The following UNC5D variants were observed in gnomAD, a reference collection of about 807,000 sequenced individuals.
UNC5D encodes netrin receptor UNC5D.
Under a neutral mutation model 105.4 loss-of-function variants are expected in UNC5D, and 39 were observed. The observed-to-expected ratio is 0.37, with a 90% CI of 0.29 to 0.48. UNC5D has a LOEUF of 0.48. Ranked by LOEUF, UNC5D falls within the 20% of genes least tolerant of loss-of-function variation. The pLI, the probability that UNC5D is intolerant of heterozygous loss-of-function variation, is 0.98. For synonymous variants in UNC5D, 452 were observed against 450.4 expected (o/e 1.00, Z -0.04); for missense variants, 991 against 1,202.4 (o/e 0.82, Z 2.60).
chr8:35,243,149 A>T (rs2128802865), intron 1 of UNC5D, among the ~76,000 whole-genome samples: 1 of 152,218 alleles, frequency 6.6e-6, no homozygotes, highest in East Asian at 1.9e-4. Flanking sequence ...TCTGGGGGCC[A>T]TGGATGATAG....
intron 7 of UNC5D, among the ~76,000 whole-genome samples, chr8:35,699,113 A>G (rs1196800003): frequency 6.6e-6 from 1 of 152,198 alleles, no homozygotes; most frequent in Non-Finnish European, 1.5e-5. Flanking sequence ...CATATTCATC[A>G]CAAAAACTAA....
intron 1 of UNC5D, among the ~76,000 whole-genome samples, chr8:35,407,694 C>G (rs1295745121): frequency 6.6e-6 from 1 of 152,140 alleles, no homozygotes; most frequent in Non-Finnish European, 1.5e-5. Flanking sequence ...ACCTCCCACC[C>G]TCCACCCTCT....
rs751978613 is a variant in UNC5D at position 35,748,519 on chromosome 8, C to A, written c.1767-8C>A. 5 of 1,606,450 alleles carry A rather than the reference C, an allele frequency of 3.1e-6. No homozygotes were observed. Among genetic ancestry groups the A allele is most frequent in the Non-Finnish European group, 3.4e-6 (4 of 1,177,758 alleles). On this transcript the variant is annotated splice_polypyrimidine_tract_variant and splice_region_variant and intron_variant, in intron 11 of 16. Transcript: ENST00000404895. ...CTTCTCTCTTCTATCCTTTTTTCAACTGTGAAGCCTCCAGTCAGATGGCTC... is the reference window on the plus strand; with the variant it reads ...CTTCTCTCTTCTATCCTTTTTTCAAATGTGAAGCCTCCAGTCAGATGGCTC...
Position 35,265,742 on chromosome 8 carries a change from C to T in UNC5D, c.103+29855C>T, listed in dbSNP as rs183823565. Among the ~76,000 whole-genome samples, 428 of 151,846 alleles carry T rather than the reference C, an allele frequency of 2.8e-3. 3 individuals carry two copies. Among genetic ancestry groups the T allele is most frequent in the African/African-American group, 9.6e-3 (398 of 41,394 alleles). ...AAAATTAGCCGGGCATGGTGGCAGGCGCCTGTAGTCCCAGCTACTCCAGAG... is the reference window on the plus strand; with the variant it reads ...AAAATTAGCCGGGCATGGTGGCAGGTGCCTGTAGTCCCAGCTACTCCAGAG... On this transcript the variant is annotated intron_variant, in intron 1 of 16. Coordinates refer to ENST00000404895, the MANE Select transcript of UNC5D (RefSeq NM_080872.4).
At chr8:35,743,132 A>G (rs1316949366) in intron 11 of UNC5D, among the ~76,000 whole-genome samples, 1 of 152,172 alleles carries the variant, frequency 6.6e-6, no homozygotes, top group East Asian at 1.9e-4. Context: ...CAGCAAAGAA[A>G]CAATGGACTT....
At chr8:35,338,824 G>A (rs376395072) in intron 1 of UNC5D, among the ~76,000 whole-genome samples, 25 of 152,030 alleles carry the variant, frequency 1.6e-4, no homozygotes, top group Non-Finnish European at 2.6e-4. Context: ...CACCCTGACC[G>A]ACTTCTGCCC....
chr8:35,438,466 A>G (rs538978012), intron 1 of UNC5D, among the ~76,000 whole-genome samples: 1 of 152,182 alleles, frequency 6.6e-6, no homozygotes, highest in South Asian at 2.1e-4. Context: ...ACTATTAGTA[A>G]TCATGCTGGG....
At chr8:35,240,213 G>C (rs571305229) in intron 1 of UNC5D, among the ~76,000 whole-genome samples, 1 of 152,260 alleles carries the variant, frequency 6.6e-6, no homozygotes, top group Admixed American at 6.5e-5. Flanking sequence ...GCCTCCCAAA[G>C]TGCTAGGATT....
rs1016616779 is a variant in UNC5D at position 35,437,638 on chromosome 8, C to T, written c.104-111654C>T. On this transcript the variant is annotated intron_variant, in intron 1 of 16. Coordinates refer to ENST00000404895, the MANE Select transcript of UNC5D (RefSeq NM_080872.4). ...TCCTCCATCCTCCAACACCCACCCA[C>T]GGAGTCTTCTGAATTATGGTTTGGA... 7.2e-5 allele frequency among the ~76,000 whole-genome samples: 11 copies of T among 152,066 alleles called. No individual in the cohort carries two copies. The East Asian group carries it at 7.7e-4, about 11-fold the overall frequency.
At chr8:35,628,642 G>T (rs1442853971) in intron 4 of UNC5D, among the ~76,000 whole-genome samples, 1 of 152,126 alleles carries the variant, frequency 6.6e-6, no homozygotes, top group Non-Finnish European at 1.5e-5. Context: ...TTTCAGAAAT[G>T]GATTAGGTAT....
intron 8 of UNC5D, among the ~76,000 whole-genome samples, chr8:35,718,987 C>A (rs1266755905): frequency 6.6e-6 from 1 of 152,076 alleles, no homozygotes; most frequent in Non-Finnish European, 1.5e-5. Flanking sequence ...AGTTGCCAGT[C>A]CCCCGGAAGT....
intron 1 of UNC5D, among the ~76,000 whole-genome samples, chr8:35,270,062 CA>C (rs1805170280): frequency 6.6e-6 from 1 of 152,010 alleles, no homozygotes; most frequent in Admixed American, 6.6e-5. Context: ...TTGTGTATAT[CA>C]GAAGATAATT....
chr8:35,241,437 TC>T (rs1381369520), intron 1 of UNC5D, among the ~76,000 whole-genome samples: 1 of 151,988 alleles, frequency 6.6e-6, no homozygotes, highest in Non-Finnish European at 1.5e-5. Flanking sequence ...CTACCACCAC[TC>T]CCCCCACACC....
At chr8:35,696,282 A>AT (rs755876112) in intron 7 of UNC5D, among the ~76,000 whole-genome samples, 14,411 of 113,182 alleles carry the variant, frequency 0.13, 1,190 homozygotes, top group African/African-American at 0.25. Flanking sequence ...TCAATATTTA[A>AT]TTTTTTTTTT....
intron 4 of UNC5D, among the ~76,000 whole-genome samples, chr8:35,666,616 T>G (rs1348624125): frequency 6.6e-6 from 1 of 152,100 alleles, no homozygotes; most frequent in African/African-American, 2.4e-5. Flanking sequence ...ACCATCCAAT[T>G]TAATTGACCA....
intron 1 of UNC5D, among the ~76,000 whole-genome samples, chr8:35,287,742 G>A (rs140468148): frequency 7.2e-5 from 11 of 152,060 alleles, no homozygotes; most frequent in Non-Finnish European, 1.5e-4. Flanking sequence ...TGGAGGTTGA[G>A]GCTGCAGTGA....
intron 1 of UNC5D, among the ~76,000 whole-genome samples, chr8:35,491,906 T>A (rs1335917259): frequency 6.6e-6 from 1 of 152,200 alleles, no homozygotes; most frequent in African/African-American, 2.4e-5. Context: ...TTGAGTCCCT[T>A]CTTCCTTAGC....
At chr8:35,712,960 T>G (rs1828045948) in intron 8 of UNC5D, among the ~76,000 whole-genome samples, 2 of 152,194 alleles carry the variant, frequency 1.3e-5, no homozygotes, top group African/African-American at 4.8e-5. Context: ...TATAGCACTT[T>G]CCGAAAATTG....
intron 1 of UNC5D, among the ~76,000 whole-genome samples, chr8:35,480,908 A>G (rs1359862802): frequency 6.6e-6 from 1 of 152,122 alleles, no homozygotes; most frequent in African/African-American, 2.4e-5. Flanking sequence ...GGAGGATAAG[A>G]AGTTCATTTC....
Sources: allele counts gnomAD v4.1 joint callset (sites outside exome capture counted in the v4.1 genomes callset), GRCh38; gene constraint gnomAD v4.1.1; transcripts MANE v1.5; gene names NCBI Gene and HGNC (gene_info 2026-07-23, HGNC 2026-07-21).